GTF3C1: variants seen among roughly 807,000 people sequenced by gnomAD.
GTF3C1 encodes the protein general transcription factor IIIC subunit 1, also known as general transcription factor 3C polypeptide 1.
In GTF3C1, 57 loss-of-function variants were observed where a neutral mutation model predicts 226.7. The observed-to-expected ratio is 0.25, with a 90% CI of 0.20 to 0.31. The LOEUF is 0.31. Ranked by LOEUF, GTF3C1 falls within the 10% of genes least tolerant of loss-of-function variation. The probability of loss-of-function intolerance (pLI) is 1.00; values close to 1 mark genes in which losing one functional copy is unlikely to be tolerated. For synonymous variants in GTF3C1, 1,090 were observed against 1,084.8 expected (o/e 1.00, Z -0.09); for missense variants, 2,217 against 2,776.1 (o/e 0.80, Z 4.53).
At chr16:27,512,786 A>G (rs940783978) in intron 6 of GTF3C1, among the ~76,000 whole-genome samples, 7 of 152,232 alleles carry the variant, frequency 4.6e-5, no homozygotes, top group Non-Finnish European at 8.8e-5. Flanking sequence ...ACTTGACATG[A>G]GCTACTCATT....
Position 27,493,264 on chromosome 16 carries a change from C to A in GTF3C1, c.2811G>T (p.Pro937=), listed in dbSNP as rs200826576. ...AGCGGATCAGCGTGTGCTTCTTCAG[C>A]GGGTCGTTCAGAAATTCCTCCAGGT... ...VDNLEEFLND[P]LKKHTLIRFL... The change falls in exon 17 of 37, where the codon CCG becomes CCT. Residue 937 remains proline (P), a synonymous_variant. Transcript: ENST00000356183. 4.5e-5 allele frequency: 73 copies of A among 1,610,914 alleles called. 3 individuals are homozygous for A. The highest frequency in any genetic ancestry group is 3.0e-4 in the Admixed American group (18 of 60,022).
In GTF3C1 at chr16:27,463,741, C is replaced by T. The variant is rs1159081968; in HGVS notation, c.5873-149G>A. 2.9e-6 allele frequency: 2 copies of T among 686,246 alleles called. No homozygotes were observed. Among genetic ancestry groups the T allele is most frequent in the Non-Finnish European group, 5.2e-6 (2 of 382,102 alleles). The allele number at this position is 686,246 out of a possible 1,614,324, so 42.5% of individuals were successfully genotyped here. A position where few individuals can be genotyped will look rare whatever the true frequency, so the allele number is the denominator to read the frequency against. On this transcript the variant is annotated intron_variant, in intron 34 of 36. Transcript: ENST00000356183. This position sits in a 1 kb window ranked among gnomAD's most constrained non-coding sequence, Gnocchi z 4.9. ...AAAAAAAAGGACAATGAGCATCTCA[C>T]AGAGCGGCCACCCTGGAGGTGGCAG...
chr16:27,506,761 G>A, intron 9 of GTF3C1, 86 bp downstream of exon 9: 1 of 937,742 alleles, frequency 1.1e-6, no homozygotes, highest in South Asian at 1.7e-5. Context: ...GGCAACCGCA[G>A]GTGTTTGCTG....
chr16:27,519,367 A>G (rs1347444685), intron 6 of GTF3C1, among the ~76,000 whole-genome samples: 2 of 152,176 alleles, frequency 1.3e-5, no homozygotes, highest in Admixed American at 1.3e-4. Flanking sequence ...ACTGAGTGGA[A>G]GCTATTTCTG....
chr16:27,489,834 A>C (rs983298293), intron 19 of GTF3C1, 91 bp from the exon 20 acceptor site: 3 of 1,340,372 alleles, frequency 2.2e-6, no homozygotes, highest in Non-Finnish European at 3.1e-6. Context: ...AGAAGAGTGG[A>C]TTCCCTGCCT....
intron 10 of GTF3C1, among the ~76,000 whole-genome samples, chr16:27,503,857 C>T (rs145380586): frequency 6.6e-6 from 1 of 152,118 alleles, no homozygotes; most frequent in Non-Finnish European, 1.5e-5. Flanking sequence ...GGGAGTAGCA[C>T]TTTCAGGAAA....
chr16:27,478,531 C>T lies in GTF3C1; in HGVS notation c.4197G>A (p.Arg1399=), dbSNP rs145005020. 1,872 of 1,608,880 alleles carry T rather than the reference C, an allele frequency of 1.2e-3. 4 individuals carry two copies. Among genetic ancestry groups the T allele is most frequent in the Non-Finnish European group, 1.4e-3 (1,663 of 1,175,350 alleles). Residue 1399 remains arginine (R), a splice_region_variant and synonymous_variant, in exon 28 of 37, where the codon AGG becomes AGA. Transcript: ENST00000356183. ...IPDTLQELFA[R]YRVLAIGDEK... is the part of the protein sequence containing the mutation. ...CATCCCCAATTGCCAAAACTCGGTA[C>T]CTGCAAAAGAAACATAACAGCATGT... is the stretch of plus-strand genomic sequence containing the variant.
chr16:27,523,771 G>A (rs755329212), intron 6 of GTF3C1, among the ~76,000 whole-genome samples: 4 of 152,120 alleles, frequency 2.6e-5, no homozygotes, highest in South Asian at 2.1e-4. Context: ...GGGCTACGGC[G>A]TGCCATGGAA....
rs539228806 is a variant in GTF3C1 at position 27,471,934 on chromosome 16, C to T, written c.4354-14G>A. 32 of 1,613,172 alleles carry T rather than the reference C, an allele frequency of 2.0e-5. No individual in the cohort carries two copies. Among genetic ancestry groups the T allele is most frequent in the Middle Eastern group, 3.3e-4 (2 of 6,060 alleles). On this transcript the variant is annotated splice_polypyrimidine_tract_variant and intron_variant, in intron 29 of 36. Coordinates refer to ENST00000356183, the MANE Select transcript of GTF3C1 (RefSeq NM_001520.4). This position sits in a 1 kb window ranked among gnomAD's most constrained non-coding sequence, Gnocchi z 5.0. ...GAGGCGGAAAGTCTGCAACACAGGG[C>T]GGCGAGGGTGAGTAGGGTTCTCCAG... is the stretch of plus-strand genomic sequence containing the variant.
chr16:27,543,230 A>G (rs1351467505), intron 2 of GTF3C1, among the ~76,000 whole-genome samples: 3 of 152,178 alleles, frequency 2.0e-5, no homozygotes, highest in African/African-American at 4.8e-5. Flanking sequence ...TACTAAAAAT[A>G]CAAAAATAAG....
chr16:27,505,554 G>A (rs116884428), intron 10 of GTF3C1, among the ~76,000 whole-genome samples: 2,760 of 152,280 alleles, frequency 0.018, 31 homozygotes, highest in Non-Finnish European at 0.029. Context: ...GAGAGTTGTG[G>A]CATCCAATGA....
Position 27,484,352 on chromosome 16 carries a change from A to G in GTF3C1, c.3860T>C (p.Val1287Ala). Reference sequence around the variant, plus strand: ...CTGCCAGGTGACAAATGGGCCCTTCACCTGGATCAAACACAGAGCCAAGAC... The same window carrying G: ...CTGCCAGGTGACAAATGGGCCCTTCGCCTGGATCAAACACAGAGCCAAGAC... The part of the protein sequence containing the change: ...RIASNVLNTK[V>A]KGPFVTWQVV... Residue 1287 changes from valine to alanine, a missense_variant and splice_region_variant, in exon 25 of 37, where the codon GTG becomes GCG. Coordinates refer to ENST00000356183, the MANE Select transcript of GTF3C1 (RefSeq NM_001520.4). The G allele has an allele frequency of 6.2e-7, 1 of 1,605,258 alleles. No homozygotes were observed. The highest frequency in any genetic ancestry group is 8.5e-7 in the Non-Finnish European group (1 of 1,172,096).
At chr16:27,516,943 T>G (rs2088668067) in intron 6 of GTF3C1, among the ~76,000 whole-genome samples, 2 of 152,172 alleles carry the variant, frequency 1.3e-5, no homozygotes, top group African/African-American at 4.8e-5. Flanking sequence ...GGTGCACATC[T>G]TTCCTTTGGA....
At chr16:27,466,578 G>A (rs1481853361) in intron 32 of GTF3C1, among the ~76,000 whole-genome samples, 3 of 152,222 alleles carry the variant, frequency 2.0e-5, no homozygotes, top group Non-Finnish European at 4.4e-5. Context: ...GTGAAAGGAA[G>A]AGTTGGACAT....
chr16:27,532,087 C>T (rs1006668773), intron 5 of GTF3C1, among the ~76,000 whole-genome samples: 4 of 152,174 alleles, frequency 2.6e-5, no homozygotes, highest in South Asian at 2.1e-4. Context: ...TCAGGAGAGA[C>T]GGCAGGCCCA....
Position 27,484,252 on chromosome 16 carries a change from A to T in GTF3C1, c.3960T>A (p.Ala1320=). 6.2e-7 allele frequency: 1 copy of T among 1,609,288 alleles called. No homozygotes were observed. ...CCTGTGGGTTTTTGACTATGTAGCG[A>T]GCTCTTCGTCCAACGGAATGAGATG... ...DKTSHSVGRR[A]RYIVKNPQAY... is the part of the protein sequence containing the mutation. The change falls in exon 25 of 37, where the codon GCT becomes GCA. Residue 1320 remains alanine, a synonymous_variant. Coordinates refer to ENST00000356183, the MANE Select transcript of GTF3C1 (RefSeq NM_001520.4).
rs201769095 is a variant in GTF3C1 at position 27,535,090 on chromosome 16, G to A, written c.753-1703C>T. On this transcript the variant is annotated intron_variant, in intron 4 of 36. Coordinates refer to ENST00000356183, the MANE Select transcript of GTF3C1 (RefSeq NM_001520.4). ...TTATAAAAAGTTAATCAAAACTTATGCAACCACTTACAGACCATACACGGT... is the reference window on the plus strand; with the variant it reads ...TTATAAAAAGTTAATCAAAACTTATACAACCACTTACAGACCATACACGGT... Among the ~76,000 whole-genome samples, 25 of 152,248 alleles carry A rather than the reference G, an allele frequency of 1.6e-4. No homozygotes were observed. The East Asian group carries it at 4.8e-3, about 29-fold the overall frequency.
intron 27 of GTF3C1, among the ~76,000 whole-genome samples, chr16:27,480,057 C>T (rs888008652): frequency 1.3e-5 from 2 of 151,882 alleles, no homozygotes; most frequent in Non-Finnish European, 2.9e-5. Context: ...AAAAATTAGC[C>T]AGGCCTGGTG....
chr16:27,465,719 G>A (rs1295965853), intron 32 of GTF3C1, 179 bp from the exon 33 acceptor site: 5 of 604,048 alleles, frequency 8.3e-6, no homozygotes, highest in Admixed American at 2.9e-5. Flanking sequence ...CTCCTGATCC[G>A]TGACCCTAGG....
Sources: gnomAD v4.1 joint callset for allele counts (sites outside exome capture counted in the v4.1 genomes callset) on GRCh38, gnomAD v4.1.1 for gene constraint, Gnocchi (gnomAD v3.1) non-coding constraint, MANE v1.5 for transcripts, NCBI Gene and HGNC (gene_info 2026-07-23, HGNC 2026-07-21) for gene names.